TMEM38B: variants seen among roughly 807,000 people sequenced by gnomAD.
TMEM38B encodes the protein transmembrane protein 38B, also known as trimeric intracellular cation channel type B.
A neutral mutation model predicts 28.7 loss-of-function variants in TMEM38B; 24 were observed. The observed-to-expected ratio is 0.84, with a 90% CI of 0.61 to 1.18. The LOEUF is 1.18. TMEM38B is among the 50% of genes most tolerant of loss of function. The pLI is 0.00. For missense variants in TMEM38B, 380 were observed against 350.9 expected (o/e 1.08, Z -0.66); for synonymous variants, 131 against 127.7 (o/e 1.03, Z -0.17).
At chr9:105,730,919 T>C (rs774444672) in intron 4 of TMEM38B, among the ~76,000 whole-genome samples, 10 of 152,188 alleles carry the variant, frequency 6.6e-5, no homozygotes, top group Admixed American at 3.3e-4. Flanking sequence ...GTATCCCCTT[T>C]ATCATTTTTT....
intron 1 of TMEM38B, among the ~76,000 whole-genome samples, chr9:105,701,939 G>A (rs535074129): frequency 6.6e-6 from 1 of 152,164 alleles, no homozygotes. Context: ...CTAAGGCTGG[G>A]TGCAGTGGCT....
Position 105,746,889 on chromosome 9 carries a change from C to T in TMEM38B, c.543-1184C>T, listed in dbSNP as rs146584640. On this transcript the variant is annotated intron_variant, in intron 4 of 5. Transcript: ENST00000374692. ...ATGCTGGATTATGCTTATTGATTTG[C>T]GTTTGTGGAACCAGCCTTGCATCCC... Among the ~76,000 whole-genome samples the T allele has an allele frequency of 1.3e-3, 191 of 152,182 alleles. 1 individual carries two copies. Among genetic ancestry groups the T allele is most frequent in the African/African-American group, 4.2e-3 (176 of 41,496 alleles).
intron 4 of TMEM38B, among the ~76,000 whole-genome samples, chr9:105,726,728 G>A (rs1428561920): frequency 3.3e-5 from 5 of 152,046 alleles, no homozygotes; most frequent in African/African-American, 1.2e-4. Flanking sequence ...TTTAATTGGA[G>A]GGCTTGGTCC....
intron 4 of TMEM38B, among the ~76,000 whole-genome samples, chr9:105,737,543 A>G (rs907028022): frequency 3.3e-5 from 5 of 152,304 alleles, no homozygotes; most frequent in Admixed American, 6.5e-5. Flanking sequence ...CAGTAGCACA[A>G]TGACGACTCT....
At chr9:105,743,779 G>C (rs10156569) in intron 4 of TMEM38B, among the ~76,000 whole-genome samples, 3 of 151,866 alleles carry the variant, frequency 2.0e-5, no homozygotes, top group African/African-American at 7.3e-5. Context: ...CTAAAAATCC[G>C]GGCTTTCTTT....
intron 2 of TMEM38B, among the ~76,000 whole-genome samples, chr9:105,714,243 C>A (rs1226892615): frequency 3.9e-5 from 6 of 152,166 alleles, no homozygotes; most frequent in Non-Finnish European, 7.4e-5. Flanking sequence ...AACAGGATGA[C>A]CTGCCTACAA....
chr9:105,758,354 A>G (rs922347401), intron 5 of TMEM38B: 1 of 979,802 alleles, frequency 1.0e-6, no homozygotes, highest in African/African-American at 1.6e-5. Flanking sequence ...TGGCGATCTT[A>G]CATGGATTCT....
intron 4 of TMEM38B, among the ~76,000 whole-genome samples, chr9:105,737,271 C>T (rs530894410): frequency 5.1e-4 from 77 of 152,122 alleles, no homozygotes; most frequent in Non-Finnish European, 8.8e-4. Context: ...TGACTCTAAT[C>T]CTGGGGGCAG....
chr9:105,745,474 A>G (rs1440701148), intron 4 of TMEM38B, among the ~76,000 whole-genome samples: 2 of 152,088 alleles, frequency 1.3e-5, no homozygotes, highest in African/African-American at 2.4e-5. Context: ...TTCTTTGTAG[A>G]TTCTGGATAT....
intron 5 of TMEM38B, among the ~76,000 whole-genome samples, chr9:105,757,347 A>G (rs1298980734): frequency 6.6e-6 from 1 of 152,084 alleles, no homozygotes; most frequent in Admixed American, 6.6e-5. Context: ...TATTTTTGCA[A>G]TTGCTAATTG....
chr9:105,706,013 G>A (rs1216542740), intron 2 of TMEM38B, among the ~76,000 whole-genome samples: 1 of 150,204 alleles, frequency 6.7e-6, no homozygotes, highest in Non-Finnish European at 1.5e-5. Context: ...TGATTCTTCT[G>A]CCTCAACCTC....
chr9:105,753,851 A>G (rs1014286606), intron 5 of TMEM38B, among the ~76,000 whole-genome samples: 78 of 152,226 alleles, frequency 5.1e-4, no homozygotes, highest in African/African-American at 1.8e-3. Context: ...AGAGGCCCCA[A>G]TTTAAAGACA....
chr9:105,733,041 G>T (rs549263033), intron 4 of TMEM38B, among the ~76,000 whole-genome samples: 1 of 152,248 alleles, frequency 6.6e-6, no homozygotes, highest in East Asian at 1.9e-4. Flanking sequence ...TAGTTGTGCG[G>T]TTTTGAGTGA....
chr9:105,739,425 TA>T (rs1428199669), intron 4 of TMEM38B, among the ~76,000 whole-genome samples: 1 of 151,970 alleles, frequency 6.6e-6, no homozygotes, highest in African/African-American at 2.4e-5. Context: ...CAAAAAAAAG[TA>T]ATCAAGTGAA....
At chr9:105,755,902 T>C (rs1264634628) in intron 5 of TMEM38B, among the ~76,000 whole-genome samples, 1 of 152,220 alleles carries the variant, frequency 6.6e-6, no homozygotes, top group African/African-American at 2.4e-5. Context: ...GCAACCTTGC[T>C]GAACTCATTT....
At chr9:105,720,302 C>CT (rs1398747762) in intron 2 of TMEM38B, among the ~76,000 whole-genome samples, 1 of 151,868 alleles carries the variant, frequency 6.6e-6, no homozygotes, top group African/African-American at 2.4e-5. Context: ...TTTCTGTCAT[C>CT]TAAGAACTAT....
chr9:105,753,258 G>T (rs1837723555), intron 5 of TMEM38B, among the ~76,000 whole-genome samples: 1 of 152,180 alleles, frequency 6.6e-6, no homozygotes, highest in Non-Finnish European at 1.5e-5. Flanking sequence ...ATATCATCCA[G>T]GAGAACTTCC....
chr9:105,773,859 C>T lies in TMEM38B; in HGVS notation c.661-6C>T. 6.3e-7 allele frequency: 1 copy of T among 1,590,642 alleles called. No homozygotes were observed. Among genetic ancestry groups the T allele is most frequent in the East Asian group, 2.3e-5 (1 of 44,434 alleles). On this transcript the variant is annotated splice_polypyrimidine_tract_variant and splice_region_variant and intron_variant, in intron 5 of 5. Transcript: ENST00000374692. ...TTAAATTCAAAATTAAACTTTTTTCCCCCAGATAACCATGATGACTACACA... is the reference window on the plus strand; with the variant it reads ...TTAAATTCAAAATTAAACTTTTTTCTCCCAGATAACCATGATGACTACACA...
At chr9:105,766,454 T>C (rs913181172) in intron 5 of TMEM38B, among the ~76,000 whole-genome samples, 3 of 152,200 alleles carry the variant, frequency 2.0e-5, no homozygotes, top group East Asian at 3.9e-4. Context: ...TTAAAAATTG[T>C]ATTATTATTG....
Sources: allele counts gnomAD v4.1 joint callset (sites outside exome capture counted in the v4.1 genomes callset), GRCh38; gene constraint gnomAD v4.1.1; transcripts MANE v1.5; gene names NCBI Gene and HGNC (gene_info 2026-07-23, HGNC 2026-07-21).